The following FBH1 variants were observed in gnomAD, a reference collection of about 807,000 sequenced individuals.
FBH1 encodes the protein F-box DNA helicase 1, also known as DNA 3'-5' helicase 1.
FBH1 carries 43 observed loss-of-function variants against 115.5 expected under a neutral mutation model. The observed-to-expected ratio is 0.37, with a 90% CI of 0.29 to 0.48. FBH1 has a LOEUF of 0.48. Among genes scored for constraint, FBH1 ranks in the 20% least tolerant of loss-of-function variants. The pLI is 0.99. For synonymous variants in FBH1, 524 were observed against 507.8 expected, an observed-to-expected ratio of 1.03 and a Z score of -0.43; for missense variants, 1,001 against 1,337.3, an observed-to-expected ratio of 0.75 and a Z score of 3.92.
rs978538002 is a variant in FBH1 at position 5,911,888 on chromosome 10, G to A, written c.1211+760G>A. Among the ~76,000 whole-genome samples, 8 of 152,132 alleles carry A rather than the reference G, an allele frequency of 5.3e-5. No individual in the cohort carries two copies. The highest frequency in any genetic ancestry group is 1.9e-4 in the East Asian group (1 of 5,198). On this transcript the variant is annotated intron_variant, in intron 6 of 20. Transcript: ENST00000362091. The surrounding 1 kb of genome is among the most constrained non-coding windows in gnomAD (Gnocchi z 5.4). ...ACCTGAGTGTGGAGGAGGAACCGCC[G>A]TTTCACAACTGTGGGGAGAGCAGTT... is the stretch of plus-strand genomic sequence containing the variant.
At position 5,910,079 on chromosome 10, in the gene FBH1, C is replaced by T. The variant is rs535046113; in HGVS notation, c.1020+785C>T. 2.3e-4 allele frequency among the ~76,000 whole-genome samples: 35 copies of T among 152,190 alleles called. No individual in the cohort carries two copies. The highest frequency in any genetic ancestry group is 1.5e-3 in the Admixed American group (23 of 15,276). ...GGTGGATCACCTGAGGTCAGGAGTT[C>T]GAGACCAGCCTGGCCAACATGGTGA... On this transcript the variant is annotated intron_variant, in intron 5 of 20. Transcript: ENST00000362091. The surrounding 1 kb of genome is among the most constrained non-coding windows in gnomAD (Gnocchi z 4.8).
In FBH1 at chr10:5,933,714, C is replaced by T. The variant is rs949121985; in HGVS notation, c.2830-2742C>T. 1.3e-5 allele frequency among the ~76,000 whole-genome samples: 2 copies of T among 151,736 alleles called. No homozygotes were observed. Among genetic ancestry groups the T allele is most frequent in the African/African-American group, 4.8e-5 (2 of 41,288 alleles). ...CTGGAGGGCAGTGGTGTGATCTTGG[C>T]TCACCGCAACCTCGGCCTCCTGGGT... On this transcript the variant is annotated intron_variant, in intron 19 of 20. Transcript: ENST00000362091. This position sits in a 1 kb window ranked among gnomAD's most constrained non-coding sequence, Gnocchi z 4.9.
At chr10:5,902,709 G>A (rs373923428) in intron 1 of FBH1, among the ~76,000 whole-genome samples, 1 of 152,004 alleles carries the variant, frequency 6.6e-6, no homozygotes, top group Non-Finnish European at 1.5e-5. Flanking sequence ...GATTACAGAC[G>A]TGAGCCAGCG....
chr10:5,920,772 G>A (rs1641553397), intron 13 of FBH1, among the ~76,000 whole-genome samples: 1 of 152,182 alleles, frequency 6.6e-6, no homozygotes, highest in South Asian at 2.1e-4. Context: ...GGCGAAGGAA[G>A]CAGGGTCTTG....
In FBH1 at chr10:5,925,579, T is replaced by G; in HGVS notation, c.2722+87T>G. The G allele has an allele frequency of 6.4e-7, 1 of 1,563,884 alleles. No individual in the cohort carries two copies. Among genetic ancestry groups the G allele is most frequent in the Non-Finnish European group, 8.7e-7 (1 of 1,152,850 alleles). On this transcript the variant is annotated intron_variant, in intron 18 of 20. Transcript: ENST00000362091. This position sits in a 1 kb window ranked among gnomAD's most constrained non-coding sequence, Gnocchi z 4.6. The stretch of plus-strand genomic sequence containing the variant: ...TCCTTTGCACGGCCTTGTTGTTTGT[T>G]GGATGGTGTGGCCTCCTGGTAGGGC...
In FBH1 at chr10:5,911,146, G is replaced by T; in HGVS notation, c.1211+18G>T. 6.2e-7 allele frequency: 1 copy of T among 1,600,180 alleles called. No homozygotes were observed. The highest frequency in any genetic ancestry group is 1.1e-5 in the South Asian group (1 of 89,904). ...AGCAATAGGTAATGCCCCGGGAGGA[G>T]GGGAGGGGATGCTGTGATAATGGGA... On this transcript the variant is annotated intron_variant, in intron 6 of 20. Transcript: ENST00000362091. The surrounding 1 kb of genome is among the most constrained non-coding windows in gnomAD (Gnocchi z 5.4).
chr10:5,906,643 G>T lies in FBH1; in HGVS notation c.753+11G>T, dbSNP rs41290309. On this transcript the variant is annotated intron_variant, in intron 3 of 20. Coordinates refer to ENST00000362091, the MANE Select transcript of FBH1 (RefSeq NM_178150.3). The surrounding 1 kb of genome is among the most constrained non-coding windows in gnomAD (Gnocchi z 7.3). ...ATCAGTGACCCGCTGGTGAGTGAGT[G>T]CTGGAGTCGGGAGATGTTTCCTCTA... 4 of 1,584,984 alleles carry T rather than the reference G, an allele frequency of 2.5e-6. No homozygotes were observed. In the South Asian group the frequency reaches 4.4e-5, roughly 18 times the overall value.
Position 5,909,410 on chromosome 10 carries a change from C to A in FBH1, c.1020+116C>A. 1 of 1,219,586 alleles carries A rather than the reference C, an allele frequency of 8.2e-7. No homozygotes were observed. Among genetic ancestry groups the A allele is most frequent in the South Asian group, 1.6e-5 (1 of 63,716 alleles). 75.5% of individuals were successfully genotyped at this position (1,219,586 alleles called of 1,614,324 possible). On this transcript the variant is annotated intron_variant, in intron 5 of 20. Coordinates refer to ENST00000362091, the MANE Select transcript of FBH1 (RefSeq NM_178150.3). This position sits in a 1 kb window ranked among gnomAD's most constrained non-coding sequence, Gnocchi z 4.4. The stretch of plus-strand genomic sequence containing the variant: ...TTTATTTTTAATGTCTGTATTTAAT[C>A]TCTGAATGCTTTGAAGCATTCATGT...
chr10:5,925,234 C>A lies in FBH1; in HGVS notation c.2597-133C>A, dbSNP rs1452061430. On this transcript the variant is annotated intron_variant, in intron 17 of 20. Transcript: ENST00000362091. The surrounding 1 kb of genome is among the most constrained non-coding windows in gnomAD (Gnocchi z 4.6). ...TTCCCGACAGTTGTTTCCTCTTTCCCCCTTTTCCTACAAAACTGCACTGAG... is the reference window on the plus strand; with the variant it reads ...TTCCCGACAGTTGTTTCCTCTTTCCACCTTTTCCTACAAAACTGCACTGAG... 4 of 1,059,394 alleles carry A rather than the reference C, an allele frequency of 3.8e-6. No individual in the cohort carries two copies. The African/African-American group carries it at 6.4e-5, about 17-fold the overall frequency. 65.6% of individuals were successfully genotyped at this position (1,059,394 alleles called of 1,614,324 possible).
intron 1 of FBH1, among the ~76,000 whole-genome samples, chr10:5,890,678 G>C (rs1230675750): frequency 1.3e-5 from 2 of 152,198 alleles, no homozygotes; most frequent in Non-Finnish European, 2.9e-5. Flanking sequence ...GGCCTCGGCT[G>C]CTAGGAGGCC....
At position 5,913,080 on chromosome 10, in the gene FBH1, G is replaced by A. The variant is rs1399411764; in HGVS notation, c.1212-667G>A. On this transcript the variant is annotated intron_variant, in intron 6 of 20. Coordinates refer to ENST00000362091, the MANE Select transcript of FBH1 (RefSeq NM_178150.3). This position sits in a 1 kb window ranked among gnomAD's most constrained non-coding sequence, Gnocchi z 4.4. ...CCCCGGTCTCCCCCACAGTCCAGGG[G>A]AGACTTGGAGAGGCTTTGGAACGGC... Among the ~76,000 whole-genome samples, 1 of 152,126 alleles carries A rather than the reference G, an allele frequency of 6.6e-6. No individual in the cohort carries two copies. The highest frequency in any genetic ancestry group is 1.5e-5 in the Non-Finnish European group (1 of 68,020).
intron 1 of FBH1, among the ~76,000 whole-genome samples, chr10:5,898,818 G>A (rs930542685): frequency 5.3e-5 from 8 of 152,166 alleles, no homozygotes; most frequent in African/African-American, 1.4e-4. Context: ...CTGGCCCCAC[G>A]CTATCTACAT....
chr10:5,918,490 C>T lies in FBH1; in HGVS notation c.2100+12C>T. 1 of 1,582,874 alleles carries T rather than the reference C, an allele frequency of 6.3e-7. No homozygotes were observed. The highest frequency in any genetic ancestry group is 8.6e-7 in the Non-Finnish European group (1 of 1,168,234). On this transcript the variant is annotated intron_variant, in intron 13 of 20. Coordinates refer to ENST00000362091, the MANE Select transcript of FBH1 (RefSeq NM_178150.3). The surrounding 1 kb of genome is among the most constrained non-coding windows in gnomAD (Gnocchi z 4.0). ...TCTATCTCACGCAGGTAAGTGCGCA[C>T]TCTGCATGGGAGGCATTGCATCTCT...
At chr10:5,927,763 A>G (rs1469645318) in intron 19 of FBH1, among the ~76,000 whole-genome samples, 3 of 152,116 alleles carry the variant, frequency 2.0e-5, no homozygotes, top group Non-Finnish European at 4.4e-5. Context: ...TTCAGTTTAA[A>G]AAGCTCTGTT....
intron 1 of FBH1, among the ~76,000 whole-genome samples, chr10:5,899,052 T>C (rs1470105138): frequency 1.3e-5 from 2 of 152,214 alleles, no homozygotes; most frequent in Non-Finnish European, 2.9e-5. Context: ...AGGTACCTCT[T>C]CTATACAAAT....
chr10:5,918,263 G>T lies in FBH1; in HGVS notation c.1964-79G>T. 6.4e-7 allele frequency: 1 copy of T among 1,559,198 alleles called. No homozygotes were observed. Among genetic ancestry groups the T allele is most frequent in the Non-Finnish European group, 8.7e-7 (1 of 1,153,494 alleles). On this transcript the variant is annotated intron_variant, in intron 12 of 20. Coordinates refer to ENST00000362091, the MANE Select transcript of FBH1 (RefSeq NM_178150.3). The surrounding 1 kb of genome is among the most constrained non-coding windows in gnomAD (Gnocchi z 4.0). ...CAGTGTGCCCTGGCTTAGCTTCGTG[G>T]AAGTGTTTTTGTCCTTTTCTTTTTG... is the stretch of plus-strand genomic sequence containing the variant.
chr10:5,929,802 A>T (rs1385617131), intron 19 of FBH1: 1 of 152,200 alleles, frequency 6.6e-6, no homozygotes, highest in Admixed American at 6.5e-5. Context: ...AAAATCTCTA[A>T]ACCAGTACCC....
rs1387388518 is a variant in FBH1, at chr10:5,890,268, G to C, written c.-78G>C. ...GTCCCGGCCAGAGGAGGAGCTCGCT[G>C]CCGGGGGACGCTGGGCTGAGCGGCC... On this transcript the variant is annotated 5_prime_UTR_variant, in exon 1 of 21. Coordinates refer to ENST00000362091, the MANE Select transcript of FBH1 (RefSeq NM_178150.3). The C allele has an allele frequency of 2.7e-6, 1 of 369,016 alleles. No homozygotes were observed. The highest frequency in any genetic ancestry group is 2.1e-5 in the African/African-American group (1 of 46,620). The allele number at this position is 369,016 out of a possible 1,614,324, so 22.9% of individuals were successfully genotyped here.
Position 5,909,489 on chromosome 10 carries a change from T to C in FBH1, c.1020+195T>C, listed in dbSNP as rs1589072861. The C allele has an allele frequency of 2.7e-5, 15 of 565,482 alleles. No homozygotes were observed. In the East Asian group the frequency reaches 4.3e-4, roughly 16 times the overall value. The allele number at this position is 565,482 out of a possible 1,614,324, so 35.0% of individuals were successfully genotyped here. A position where few individuals can be genotyped will look rare whatever the true frequency, so the allele number is the denominator to read the frequency against. On this transcript the variant is annotated intron_variant, in intron 5 of 20. Coordinates refer to ENST00000362091, the MANE Select transcript of FBH1 (RefSeq NM_178150.3). This position sits in a 1 kb window ranked among gnomAD's most constrained non-coding sequence, Gnocchi z 4.4. Reference sequence around the variant, plus strand: ...GGCCATATAATTGTAGAGTCTTAGATGTAGATGAAATTTTAACAAATCATT... The same window carrying C: ...GGCCATATAATTGTAGAGTCTTAGACGTAGATGAAATTTTAACAAATCATT...
Sources: allele counts gnomAD v4.1 joint callset (sites outside exome capture counted in the v4.1 genomes callset), GRCh38; gene constraint gnomAD v4.1.1; non-coding constraint Gnocchi (gnomAD v3.1); transcripts MANE v1.5; gene names NCBI Gene and HGNC (gene_info 2026-07-23, HGNC 2026-07-21).